GTF2E2: variants seen among roughly 807,000 people sequenced by gnomAD.
The protein encoded by GTF2E2 is general transcription factor IIE subunit 2.
In GTF2E2, 21 loss-of-function variants were observed where a neutral mutation model predicts 40.5. That is an observed-to-expected ratio of 0.52 (90% CI 0.37 to 0.75). The LOEUF is 0.75. GTF2E2 is among the 30% of genes least tolerant of loss of function. The pLI is 0.00. For synonymous variants in GTF2E2, 117 were observed against 121.6 expected (o/e 0.96, Z 0.25); for missense variants, 298 against 338.4 (o/e 0.88, Z 0.94).
chr8:30,611,213 C>A (rs1413858363), intron 5 of GTF2E2, among the ~76,000 whole-genome samples: 1 of 152,050 alleles, frequency 6.6e-6, no homozygotes, highest in Non-Finnish European at 1.5e-5. Context: ...CAAAACAAAA[C>A]AAATAGAAAC....
At chr8:30,589,097 CA>C (rs564660259) in intron 6 of GTF2E2, among the ~76,000 whole-genome samples, 1 of 147,994 alleles carries the variant, frequency 6.8e-6, no homozygotes. Context: ...ACTAAAAATG[CA>C]AAAAAAAAAT....
At chr8:30,624,218 C>T (rs1322775540) in intron 3 of GTF2E2, among the ~76,000 whole-genome samples, 2 of 152,106 alleles carry the variant, frequency 1.3e-5, no homozygotes, top group Non-Finnish European at 2.9e-5. Context: ...CCAGTTTCAG[C>T]TTTCTACATA....
Position 30,645,668 on chromosome 8 carries a change from G to A in GTF2E2, c.166+7765C>T, listed in dbSNP as rs570711026. 7 of 1,400,870 alleles carry A rather than the reference G, an allele frequency of 5.0e-6. No individual in the cohort carries two copies. In the South Asian group the frequency reaches 5.7e-5, roughly 11 times the overall value. The allele number at this position is 1,400,870 out of a possible 1,614,324, so 86.8% of individuals were successfully genotyped here. A position where few individuals can be genotyped will look rare whatever the true frequency, so the allele number is the denominator to read the frequency against. On this transcript the variant is annotated intron_variant, in intron 2 of 7. Transcript: ENST00000355904. ...TTCTGAGAAAAAAAATATATTCTGA[G>A]GCCAACTGTTGCTACAAAACAAATT...
rs1802508371 is a variant in GTF2E2, at chr8:30,658,159, G to GGCGGCA, written c.-192_-191insTGCCGC. 2.6e-5 allele frequency: 5 copies of GGCGGCA among 195,690 alleles called. No individual in the cohort carries two copies. The highest frequency in any genetic ancestry group is 1.7e-4 in the East Asian group (1 of 5,828). The allele number at this position is 195,690 out of a possible 1,614,324, so 12.1% of individuals were successfully genotyped here. Reference sequence around the variant, plus strand: ...CACTGGCGGTGGCGGCGGCGGCGGCGGCAGCGGCGGTAGCTGAGGCGGCGA... The same window carrying GGCGGCA: ...CACTGGCGGTGGCGGCGGCGGCGGCGGCGGCAGCAGCGGCGGTAGCTGAGGCGGCGA... On this transcript the variant is annotated 5_prime_UTR_variant, in exon 1 of 8. Transcript: ENST00000355904.
At chr8:30,652,840 C>A (rs1802326251) in intron 2 of GTF2E2, among the ~76,000 whole-genome samples, 1 of 152,058 alleles carries the variant, frequency 6.6e-6, no homozygotes, top group Non-Finnish European at 1.5e-5. Flanking sequence ...GATAAACAAA[C>A]TGTGGTACAT....
intron 3 of GTF2E2, among the ~76,000 whole-genome samples, chr8:30,622,833 C>T (rs1420801285): frequency 2.0e-5 from 3 of 152,096 alleles, no homozygotes; most frequent in South Asian, 2.1e-4. Flanking sequence ...CCCGGCTCAC[C>T]GGTGGTCAGA....
chr8:30,588,018 T>C (rs1248418919), intron 6 of GTF2E2, among the ~76,000 whole-genome samples: 1 of 151,656 alleles, frequency 6.6e-6, no homozygotes, highest in Non-Finnish European at 1.5e-5. Context: ...AGAAGTACAA[T>C]GAGCCATCAC....
At chr8:30,654,441 TG>T (rs1351907976) in intron 1 of GTF2E2, among the ~76,000 whole-genome samples, 1 of 152,212 alleles carries the variant, frequency 6.6e-6, no homozygotes, top group Non-Finnish European at 1.5e-5. Flanking sequence ...CTCACTGTGT[TG>T]CCCAGGCTGG....
chr8:30,635,946 C>T (rs921371327), intron 2 of GTF2E2, among the ~76,000 whole-genome samples: 4 of 152,168 alleles, frequency 2.6e-5, no homozygotes, highest in Admixed American at 2.0e-4. Context: ...GTAAACTTTA[C>T]AGATAAATTA....
chr8:30,581,608 T>C (rs906713931), intron 6 of GTF2E2, among the ~76,000 whole-genome samples: 3 of 152,210 alleles, frequency 2.0e-5, no homozygotes, highest in African/African-American at 7.2e-5. Flanking sequence ...ATAAAGTTAT[T>C]TAAATCCAAA....
rs775773322 is a variant in GTF2E2, at chr8:30,635,051, T to C, written c.239A>G (p.Lys80Arg). 1.3e-6 allele frequency: 2 copies of C among 1,598,350 alleles called. No homozygotes were observed. Among genetic ancestry groups the C allele is most frequent in the African/African-American group, 2.7e-5 (2 of 74,566 alleles). ...ACTTACCTTCATGTAATTCACAATC[T>C]TAGCAAGAACACCAAACTTATATCC... ...SSGYKFGVLAKIVNYMKTRHQ... is the reference protein window; with the variant it reads ...SSGYKFGVLARIVNYMKTRHQ... Residue 80 changes from lysine to arginine, a missense_variant, in exon 3 of 8, where the codon AAG becomes AGG. Transcript: ENST00000355904.
chr8:30,615,806 G>C (rs1239631420), intron 3 of GTF2E2, among the ~76,000 whole-genome samples: 1 of 152,088 alleles, frequency 6.6e-6, no homozygotes, highest in Non-Finnish European at 1.5e-5. Flanking sequence ...GATCAATCTA[G>C]CAATCACGAT....
chr8:30,632,532 C>A (rs1366238876), intron 3 of GTF2E2, among the ~76,000 whole-genome samples: 1 of 152,046 alleles, frequency 6.6e-6, no homozygotes, highest in African/African-American at 2.4e-5. Context: ...ATATTTTAAA[C>A]ACATAAAACA....
intron 5 of GTF2E2, among the ~76,000 whole-genome samples, chr8:30,608,758 T>A (rs956925802): frequency 1.3e-5 from 2 of 152,138 alleles, no homozygotes; most frequent in Non-Finnish European, 2.9e-5. Context: ...GTCAGGAGTT[T>A]GTTTGTTTTG....
chr8:30,619,120 T>C (rs1269354745), intron 3 of GTF2E2, among the ~76,000 whole-genome samples: 1 of 152,004 alleles, frequency 6.6e-6, no homozygotes, highest in Non-Finnish European at 1.5e-5. Context: ...TTTTGTATTT[T>C]TAGTAAAGAC....
chr8:30,657,020 C>T (rs985622356), intron 1 of GTF2E2: 1 of 152,148 alleles, frequency 6.6e-6, no homozygotes, highest in Non-Finnish European at 1.5e-5. Context: ...AACTCAAGTG[C>T]TCCTTACACC....
At chr8:30,635,188 A>G in intron 2 of GTF2E2, 65 bp from the exon 3 acceptor site, 1 of 840,858 alleles carries the variant, frequency 1.2e-6, no homozygotes. Flanking sequence ...AGCAGCTAAA[A>G]TAATTTTAAT....
intron 6 of GTF2E2, among the ~76,000 whole-genome samples, chr8:30,600,460 G>C (rs1251594549): frequency 6.6e-6 from 1 of 152,004 alleles, no homozygotes; most frequent in Non-Finnish European, 1.5e-5. Context: ...AATCCTCAAA[G>C]ACAATGAGGT....
chr8:30,633,152 T>C (rs1801490261), intron 3 of GTF2E2, among the ~76,000 whole-genome samples: 2 of 152,134 alleles, frequency 1.3e-5, no homozygotes, highest in Non-Finnish European at 2.9e-5. Flanking sequence ...TTTACGGTCA[T>C]AGGAAAAACA....
Sources: gnomAD v4.1 joint callset for allele counts (sites outside exome capture counted in the v4.1 genomes callset) on GRCh38, gnomAD v4.1.1 for gene constraint, MANE v1.5 for transcripts, NCBI Gene and HGNC (gene_info 2026-07-23, HGNC 2026-07-21) for gene names.